Variants in MED13L observed in about 807,000 individuals in gnomAD.
The protein encoded by MED13L is mediator complex subunit 13L, also known as mediator of RNA polymerase II transcription subunit 13-like.
In MED13L, 7 loss-of-function variants were observed where a neutral mutation model predicts 220.9. That is an observed-to-expected ratio of 0.03 (90% CI 0.02 to 0.06). The LOEUF (loss-of-function observed/expected upper bound fraction) is 0.06, where lower values mean the gene tolerates loss of function less well. MED13L is among the 10% of genes least tolerant of loss of function. The probability of loss-of-function intolerance (pLI) is 1.00; values close to 1 mark genes in which losing one functional copy is unlikely to be tolerated. For synonymous variants in MED13L, 1,011 were observed against 1,015.2 expected (o/e 1.00, Z 0.08); for missense variants, 1,965 against 2,760.5 (o/e 0.71, Z 6.46).
chr12:116,212,803 T>C (rs890490694), intron 2 of MED13L, among the ~76,000 whole-genome samples: 6 of 152,194 alleles, frequency 3.9e-5, no homozygotes, highest in African/African-American at 1.4e-4. Context: ...TAAATATACA[T>C]AGTCCTTACT....
At chr12:116,197,626 C>T (rs991071055) in intron 2 of MED13L, among the ~76,000 whole-genome samples, 3 of 152,042 alleles carry the variant, frequency 2.0e-5, no homozygotes, top group Non-Finnish European at 4.4e-5. Context: ...ATTAGCCGGA[C>T]ATGGTGGCGC....
chr12:116,132,597 T>C (rs1277981386), intron 2 of MED13L, among the ~76,000 whole-genome samples: 7 of 151,990 alleles, frequency 4.6e-5, no homozygotes, highest in East Asian at 1.9e-4. Flanking sequence ...TTTCACTATA[T>C]GCTAATTCTG....
chr12:116,046,809 T>C (rs916173138), intron 4 of MED13L, among the ~76,000 whole-genome samples: 10 of 152,010 alleles, frequency 6.6e-5, no homozygotes, highest in African/African-American at 9.7e-5. Flanking sequence ...CCGTCTCTAC[T>C]AAAAATACAA....
chr12:116,249,961 A>G (rs1871375696), intron 1 of MED13L, among the ~76,000 whole-genome samples: 2 of 149,726 alleles, frequency 1.3e-5, no homozygotes, highest in African/African-American at 2.4e-5. Context: ...CACTGTCTCC[A>G]AGTTTCATGA....
At chr12:116,134,498 G>C (rs912068914) in intron 2 of MED13L, among the ~76,000 whole-genome samples, 1 of 152,134 alleles carries the variant, frequency 6.6e-6, no homozygotes, top group Non-Finnish European at 1.5e-5. Context: ...TTTAATTCAT[G>C]TATCTATTCA....
rs1328822977 is a variant in MED13L at position 116,027,613 on chromosome 12, CGCTGCTTGTTG to C, written c.480-5023_480-5013del. ...GCCCTTGCCTCCTATCCTTATGCAG[CGCTGCTTGTTG>C]GCCCAACCAGAGGAGTGCTCTAGAG... is the stretch of plus-strand genomic sequence containing the variant. On this transcript the variant is annotated intron_variant, in intron 4 of 30. Coordinates refer to ENST00000281928, the MANE Select transcript of MED13L (RefSeq NM_015335.5). Among the ~76,000 whole-genome samples the C allele has an allele frequency of 2.0e-5, 3 of 152,252 alleles. No individual in the cohort carries two copies. The East Asian group carries it at 5.8e-4, about 29-fold the overall frequency.
intron 4 of MED13L, among the ~76,000 whole-genome samples, chr12:116,047,406 C>T (rs1881904479): frequency 6.6e-6 from 1 of 152,102 alleles, no homozygotes; most frequent in Admixed American, 6.6e-5. Flanking sequence ...AGCTGTTGTA[C>T]AGATTTATTG....
At chr12:116,006,657 T>C in intron 11 of MED13L, 1 of 550,066 alleles carries the variant, frequency 1.8e-6, no homozygotes, top group East Asian at 3.2e-5. Context: ...GTTTTATGCC[T>C]AAGCAGTACT....
chr12:115,983,605 C>A, intron 20 of MED13L, 65 bp from the exon 21 acceptor site: 3 of 1,537,288 alleles, frequency 2.0e-6, no homozygotes, highest in South Asian at 1.1e-5. Flanking sequence ...GAACCAGAAT[C>A]TAGAATGGTC....
intron 1 of MED13L, among the ~76,000 whole-genome samples, chr12:116,240,862 C>G (rs572122264): frequency 1.3e-4 from 19 of 151,826 alleles, no homozygotes; most frequent in Non-Finnish European, 2.6e-4. Context: ...ACCCTAACAT[C>G]AATCTTTAAA....
rs80059839 is a variant in MED13L, at chr12:116,052,470, T to C, written c.480-29869A>G. Among the ~76,000 whole-genome samples, 11 of 152,354 alleles carry C rather than the reference T, an allele frequency of 7.2e-5. No individual in the cohort carries two copies. The East Asian group carries it at 2.1e-3, about 29-fold the overall frequency. On this transcript the variant is annotated intron_variant, in intron 4 of 30. Transcript: ENST00000281928. Reference sequence around the variant, plus strand: ...TTAACTAATGAGAAAATTGCTCTAATATTTTACTGAACTATACTGTAGAAA... The same window carrying C: ...TTAACTAATGAGAAAATTGCTCTAACATTTTACTGAACTATACTGTAGAAA...
chr12:116,166,106 G>A (rs990404387), intron 2 of MED13L, among the ~76,000 whole-genome samples: 1 of 152,210 alleles, frequency 6.6e-6, no homozygotes, highest in Non-Finnish European at 1.5e-5. Context: ...GCTCATGCCT[G>A]TAATTCCAGC....
intron 1 of MED13L, among the ~76,000 whole-genome samples, chr12:116,269,421 C>A (rs1259529016): frequency 1.3e-5 from 2 of 150,664 alleles, no homozygotes; most frequent in Non-Finnish European, 3.0e-5. Flanking sequence ...TCCTCCCCGC[C>A]CCCCCAATCT....
At chr12:116,171,596 GT>G (rs1481226601) in intron 2 of MED13L, among the ~76,000 whole-genome samples, 1 of 152,102 alleles carries the variant, frequency 6.6e-6, no homozygotes, top group Non-Finnish European at 1.5e-5. Context: ...AATGGCTCCA[GT>G]TTTTTAAGTC....
chr12:116,153,016 C>A (rs1878169254), intron 2 of MED13L, among the ~76,000 whole-genome samples: 1 of 151,908 alleles, frequency 6.6e-6, no homozygotes, highest in Non-Finnish European at 1.5e-5. Flanking sequence ...CCAGGTAGGA[C>A]ATTTAAGAGC....
chr12:115,987,973 C>T (rs934317524), intron 17 of MED13L, among the ~76,000 whole-genome samples: 3 of 152,138 alleles, frequency 2.0e-5, no homozygotes, highest in Non-Finnish European at 4.4e-5. Flanking sequence ...TGTGCAAGCA[C>T]GCTTGGACAT....
rs761930377 is a variant in MED13L, at chr12:115,980,839, T to G, written c.5275A>C (p.Arg1759=). ...SMAFSVYCQC[R]RPLPTQIHIK... is the part of the protein sequence containing the mutation. ...TGGATCTGTGTAGGCAGTGGTCGCC[T>G]GCACTGGCAGTACACTGAAAATGCC... Residue 1759 remains arginine (R), a synonymous_variant, in exon 23 of 31, where the codon AGG becomes CGG. Transcript: ENST00000281928. 7.5e-6 allele frequency: 12 copies of G among 1,608,710 alleles called. No individual in the cohort carries two copies. The highest frequency in any genetic ancestry group is 1.0e-5 in the Non-Finnish European group (12 of 1,177,868).
At position 116,006,336 on chromosome 12, in the gene MED13L, T is replaced by A; in HGVS notation, c.2314A>T (p.Met772Leu). ...TTAGTAGCAGAACTGAAAATAGACA[T>A]GGCATTTTTCCCATCAGGCACCGGC... ...STPVPDGKNA[M>L]SIFSSATKTD... The change falls in exon 12 of 31, where the codon ATG becomes TTG. Residue 772 changes from methionine (M) to leucine (L), a missense_variant. Physicochemically the swap from Met to Leu is conservative, Grantham distance 15. Around this residue, in one of 10 missense-constraint regions of MED13L, gnomAD observed 818 missense variants for 1,041.2 expected, o/e 0.79. Coordinates refer to ENST00000281928, the MANE Select transcript of MED13L (RefSeq NM_015335.5). 6.2e-7 allele frequency: 1 copy of A among 1,613,988 alleles called. No individual in the cohort carries two copies.
intron 2 of MED13L, chr12:116,230,497 A>G (rs1365235126): frequency 3.0e-6 from 3 of 984,162 alleles, no homozygotes; most frequent in Non-Finnish European, 3.6e-6. Flanking sequence ...GCAAAATGGT[A>G]TCATTCATGT....
Sources: allele counts gnomAD v4.1 joint callset (sites outside exome capture counted in the v4.1 genomes callset), GRCh38; gene constraint gnomAD v4.1.1; regional missense constraint gnomAD v4.1.1; transcripts MANE v1.5; gene names NCBI Gene and HGNC (gene_info 2026-07-23, HGNC 2026-07-21).